Variants in USP47 observed in about 807,000 individuals in gnomAD.
USP47 encodes ubiquitin carboxyl-terminal hydrolase 47.
In USP47, 35 loss-of-function variants were observed where a neutral mutation model predicts 165.1. The ratio of observed to expected loss-of-function variants is 0.21; its 90% CI spans 0.16 to 0.28. USP47 has a LOEUF of 0.28. USP47 is among the 10% of genes least tolerant of loss of function. USP47 has a pLI of 1.00. For missense variants in USP47, 1,277 were observed against 1,607.4 expected (o/e 0.79, Z 3.52); for synonymous variants, 531 against 544.5 (o/e 0.98, Z 0.35).
chr11:11,926,369 G>A (rs185393844), intron 11 of USP47, among the ~76,000 whole-genome samples: 100 of 152,236 alleles, frequency 6.6e-4, no homozygotes, highest in Middle Eastern at 6.8e-3. Flanking sequence ...AGTTATAGAT[G>A]TGTTCAGATT....
chr11:11,864,558 A>C (rs570144308), intron 1 of USP47, among the ~76,000 whole-genome samples: 1 of 151,924 alleles, frequency 6.6e-6, no homozygotes, highest in East Asian at 1.9e-4. Flanking sequence ...AACCTCTGGC[A>C]ACCACCATTC....
chr11:11,896,435 C>G (rs1396710117), intron 4 of USP47, among the ~76,000 whole-genome samples: 1 of 152,166 alleles, frequency 6.6e-6, no homozygotes, highest in Non-Finnish European at 1.5e-5. Flanking sequence ...CCAGAGCAGC[C>G]TCAGCTCAGA....
intron 1 of USP47, 125 bp downstream of exon 1, chr11:11,842,349 G>A (rs887543664): frequency 2.7e-6 from 3 of 1,121,290 alleles, no homozygotes; most frequent in Non-Finnish European, 2.5e-6. Context: ...ATGAGGAGGC[G>A]TGAGGCAGTC....
At chr11:11,866,543 G>C (rs1015849375) in intron 1 of USP47, among the ~76,000 whole-genome samples, 11 of 152,156 alleles carry the variant, frequency 7.2e-5, no homozygotes. Flanking sequence ...ATGGCACTAT[G>C]GTAGTTTAGT....
At chr11:11,848,509 A>G (rs938211589) in intron 1 of USP47, among the ~76,000 whole-genome samples, 1 of 152,206 alleles carries the variant, frequency 6.6e-6, no homozygotes, top group Non-Finnish European at 1.5e-5. Context: ...ATTTACAAAA[A>G]CAGTAGGTCT....
intron 25 of USP47, among the ~76,000 whole-genome samples, chr11:11,954,081 G>T (rs1302107097): frequency 6.6e-6 from 1 of 151,796 alleles, no homozygotes; most frequent in African/African-American, 2.4e-5. Context: ...GAAACCCTGT[G>T]TCTACTAAAA....
intron 1 of USP47, among the ~76,000 whole-genome samples, chr11:11,878,022 AAAGAATAT>A (rs924160485): frequency 1.3e-5 from 2 of 152,128 alleles, no homozygotes; most frequent in African/African-American, 4.8e-5. Context: ...CTATTACTAA[AAAGAATAT>A]AAGCCACACA....
chr11:11,850,981 A>C (rs1228309069), intron 1 of USP47, among the ~76,000 whole-genome samples: 1 of 152,212 alleles, frequency 6.6e-6, no homozygotes, highest in East Asian at 1.9e-4. Context: ...TTCTTGATCC[A>C]GTCACCATCC....
rs531842378 is a variant in USP47 at position 11,870,616 on chromosome 11, C to T, written c.40-9561C>T. ...TTGATTATTAAAGCAATTCCTGGGTCGTTCTTGAAGGGCATTTCTGCTGGT... is the reference window on the plus strand; with the variant it reads ...TTGATTATTAAAGCAATTCCTGGGTTGTTCTTGAAGGGCATTTCTGCTGGT... On this transcript the variant is annotated intron_variant, in intron 1 of 27. Coordinates refer to ENST00000527733, the MANE Select transcript of USP47 (RefSeq NM_001282659.2). Among the ~76,000 whole-genome samples the T allele has an allele frequency of 5.3e-5, 8 of 152,202 alleles. No individual in the cohort carries two copies. In the South Asian group the frequency reaches 8.3e-4, roughly 16 times the overall value.
chr11:11,931,240 G>A (rs998227129), intron 14 of USP47, among the ~76,000 whole-genome samples: 3 of 151,860 alleles, frequency 2.0e-5, no homozygotes, highest in Admixed American at 1.3e-4. Flanking sequence ...AGACACTACC[G>A]TTGCTATTAG....
chr11:11,933,037 T>C lies in USP47; in HGVS notation c.1685T>C (p.Ile562Thr), dbSNP rs1854787710. Residue 562 changes from isoleucine to threonine, a missense_variant, in exon 15 of 28, where the codon ATT (isoleucine) becomes ACT (threonine). Physicochemically the swap from Ile to Thr is moderately conservative, Grantham distance 89 (BLOSUM62 -1). This residue lies in a region of USP47 where 909 missense variants were observed against 1,068.1 expected (regional missense o/e 0.85). Transcript: ENST00000527733. ...GAAGTGGATGAATACCCAGAACATA[T>C]TAAAAACTTGGTGCAGAAAGAGAGA... Reference protein sequence around the residue: ...FLEVDEYPEHIKNLVQKEREL... With the variant: ...FLEVDEYPEHTKNLVQKEREL... 2 of 1,613,238 alleles carry C rather than the reference T, an allele frequency of 1.2e-6. No individual in the cohort carries two copies. Among genetic ancestry groups the C allele is most frequent in the Non-Finnish European group, 1.7e-6 (2 of 1,179,546 alleles).
chr11:11,895,455 T>C (rs1292031393), intron 4 of USP47, among the ~76,000 whole-genome samples: 3 of 152,234 alleles, frequency 2.0e-5, no homozygotes, highest in Admixed American at 6.5e-5. Flanking sequence ...ATCAAACCAT[T>C]GAGTTTGCAT....
intron 5 of USP47, among the ~76,000 whole-genome samples, chr11:11,901,209 T>C (rs1306643077): frequency 6.6e-6 from 1 of 152,126 alleles, no homozygotes; most frequent in Non-Finnish European, 1.5e-5. Flanking sequence ...AAGAAAAATA[T>C]TGAACACTCT....
At chr11:11,843,722 A>G (rs546137540) in intron 1 of USP47, among the ~76,000 whole-genome samples, 2 of 152,310 alleles carry the variant, frequency 1.3e-5, no homozygotes, top group South Asian at 4.1e-4. Flanking sequence ...CATTAGATTT[A>G]TTTCCCTAAT....
chr11:11,934,155 C>T (rs1854883351), intron 16 of USP47, among the ~76,000 whole-genome samples: 1 of 152,026 alleles, frequency 6.6e-6, no homozygotes, highest in Non-Finnish European at 1.5e-5. Context: ...GTTTCTAGAT[C>T]CCAGAATTAA....
At chr11:11,902,421 G>A (rs944158842) in intron 5 of USP47, among the ~76,000 whole-genome samples, 28 of 152,288 alleles carry the variant, frequency 1.8e-4, no homozygotes, top group African/African-American at 4.3e-4. Context: ...AATTAGGACA[G>A]AGGTTATGGT....
At chr11:11,872,156 G>A (rs1850110803) in intron 1 of USP47, among the ~76,000 whole-genome samples, 1 of 152,152 alleles carries the variant, frequency 6.6e-6, no homozygotes, top group Non-Finnish European at 1.5e-5. Flanking sequence ...GGAATCGTCT[G>A]AAAGCTTCCT....
At position 11,956,029 on chromosome 11, in the gene USP47, A is replaced by G; in HGVS notation, c.3922A>G (p.Thr1308Ala). Reference sequence around the variant, plus strand: ...TAAAACAGAAGAATTAATGGAATTGACAGATGAGCAAAGAAATGAACTGAT... The same window carrying G: ...TAAAACAGAAGAATTAATGGAATTGGCAGATGAGCAAAGAAATGAACTGAT... ...RDKTEELMEL[T>A]DEQRNELMKK... The change falls in exon 28 of 28, where the codon ACA (threonine) becomes GCA (alanine). Residue 1308 changes from threonine (T) to alanine (A), a missense_variant. Thr to Ala is a moderately conservative substitution (Grantham distance 58). Around this residue, in one of 4 missense-constraint regions of USP47, gnomAD observed 909 missense variants for 1,068.1 expected, o/e 0.85. Transcript: ENST00000527733. The G allele has an allele frequency of 6.3e-7, 1 of 1,585,294 alleles. No homozygotes were observed.
chr11:11,944,419 T>C (rs1453847822), intron 20 of USP47, among the ~76,000 whole-genome samples: 2 of 152,184 alleles, frequency 1.3e-5, no homozygotes, highest in African/African-American at 4.8e-5. Flanking sequence ...TTCATACATA[T>C]ATCTTGCAGA....
Sources: allele counts gnomAD v4.1 joint callset (sites outside exome capture counted in the v4.1 genomes callset), GRCh38; gene constraint gnomAD v4.1.1; regional missense constraint gnomAD v4.1.1; transcripts MANE v1.5; gene names NCBI Gene and HGNC (gene_info 2026-07-23, HGNC 2026-07-21).